Variants in LRIG1 observed in about 807,000 individuals in gnomAD.
LRIG1 encodes the protein leucine rich repeats and immunoglobulin like domains 1.
LRIG1 carries 48 observed loss-of-function variants against 99.2 expected under a neutral mutation model. That is an observed-to-expected ratio of 0.48 (90% CI 0.38 to 0.62). The LOEUF is 0.62. LRIG1 is among the 20% of genes least tolerant of loss of function. The pLI is 0.00. For synonymous variants in LRIG1, 772 were observed against 596.1 expected, an observed-to-expected ratio of 1.29 and a Z score of -4.30; for missense variants, 1,646 against 1,434.4, an observed-to-expected ratio of 1.15 and a Z score of -2.38.
At chr3:66,399,449 A>G (rs530886213) in intron 9 of LRIG1, among the ~76,000 whole-genome samples, 2 of 152,260 alleles carry the variant, frequency 1.3e-5, no homozygotes, top group South Asian at 4.2e-4. Flanking sequence ...AGCTGAGTCA[A>G]AAAAGGAAAG....
intron 12 of LRIG1, chr3:66,387,451 T>C (rs1327657645): frequency 6.6e-6 from 1 of 152,064 alleles, no homozygotes; most frequent in Non-Finnish European, 1.5e-5. Context: ...TGGTGACTTC[T>C]CTGTCCAACC....
At chr3:66,427,389 C>T (rs1703019005) in intron 3 of LRIG1, among the ~76,000 whole-genome samples, 1 of 152,238 alleles carries the variant, frequency 6.6e-6, no homozygotes, top group African/African-American at 2.4e-5. Context: ...GAAGATGAAA[C>T]TTAGTACAGG....
chr3:66,410,035 A>C, intron 7 of LRIG1, 94 bp downstream of exon 7: 1 of 1,351,956 alleles, frequency 7.4e-7, no homozygotes, highest in Non-Finnish European at 1.0e-6. Flanking sequence ...GCCCTCCCCG[A>C]GGCCACTGTG....
intron 3 of LRIG1, among the ~76,000 whole-genome samples, chr3:66,433,113 G>A (rs758048241): frequency 2.6e-5 from 4 of 152,192 alleles, no homozygotes; most frequent in Non-Finnish European, 4.4e-5. Flanking sequence ...CAGGCAGTAA[G>A]TATAAAGGCA....
Position 66,380,622 on chromosome 3 carries a change from G to GCATT in LRIG1, c.3006_3009dup (p.Leu1004AsnfsTer65). The GCATT allele has an allele frequency of 6.2e-7, 1 of 1,614,178 alleles. No individual in the cohort carries two copies. The highest frequency in any genetic ancestry group is 1.3e-5 in the African/African-American group (1 of 75,060). ...ATTGGCTTTTTCTTCACAGCCGTCA[G>GCATT]CATTCTATCGTGGTTACTGGGGTAG... On this transcript the variant is annotated frameshift_variant, in exon 18 of 19. Coordinates refer to ENST00000273261, the MANE Select transcript of LRIG1 (RefSeq NM_015541.3). LOFTEE classifies it low-confidence loss of function (END_TRUNC).
rs1324930803 is a variant in LRIG1 at position 66,464,736 on chromosome 3, C to T, written c.219-2227G>A. On this transcript the variant is annotated intron_variant, in intron 1 of 18. Transcript: ENST00000273261. The stretch of plus-strand genomic sequence containing the variant: ...GACTATCTGAAATGAGATAACTTCC[C>T]TCACTTCCCACCCAGCAAGTATCCA... Among the ~76,000 whole-genome samples, 6 of 152,160 alleles carry T rather than the reference C, an allele frequency of 3.9e-5. No individual in the cohort carries two copies. In the East Asian group the frequency reaches 7.7e-4, roughly 20 times the overall value.
intron 1 of LRIG1, among the ~76,000 whole-genome samples, chr3:66,493,582 A>T (rs1029999053): frequency 1.3e-5 from 2 of 151,734 alleles, no homozygotes; most frequent in African/African-American, 4.8e-5. Flanking sequence ...ATTCCAAAAG[A>T]CTCCTTCACA....
intron 15 of LRIG1, 127 bp downstream of exon 15, chr3:66,382,855 G>C (rs1442427381): frequency 5.0e-6 from 4 of 797,470 alleles, no homozygotes; most frequent in Non-Finnish European, 7.8e-6. Flanking sequence ...GGAATTAGTG[G>C]GACTAAACCC....
chr3:66,443,889 T>C (rs908250189), intron 3 of LRIG1, among the ~76,000 whole-genome samples: 9 of 151,902 alleles, frequency 5.9e-5, no homozygotes, highest in South Asian at 4.2e-4. Flanking sequence ...GCTGGGAAAA[T>C]GGGAGGAGAG....
chr3:66,460,121 C>A (rs532839229), intron 2 of LRIG1, among the ~76,000 whole-genome samples: 1 of 152,248 alleles, frequency 6.6e-6, no homozygotes, highest in African/African-American at 2.4e-5. Flanking sequence ...CCAGCCCTAT[C>A]TGTGTCCTGT....
At chr3:66,386,744 C>T (rs531502492) in intron 12 of LRIG1, 1 of 154,430 alleles carries the variant, frequency 6.5e-6, no homozygotes, top group East Asian at 1.9e-4. Context: ...ATCTGCACCT[C>T]CATTAAAACA....
intron 9 of LRIG1, among the ~76,000 whole-genome samples, chr3:66,403,112 G>A (rs765973561): frequency 2.6e-5 from 4 of 152,040 alleles, no homozygotes; most frequent in Non-Finnish European, 5.9e-5. Context: ...CCAAGTGCCC[G>A]TGACACAGTG....
chr3:66,387,846 C>G (rs1490772497), intron 12 of LRIG1: 1 of 151,438 alleles, frequency 6.6e-6, no homozygotes, highest in East Asian at 1.9e-4. Context: ...GCCTATAATC[C>G]CAGCACTTTG....
chr3:66,396,951 T>C (rs947004652), intron 11 of LRIG1, among the ~76,000 whole-genome samples: 5 of 152,114 alleles, frequency 3.3e-5, no homozygotes, highest in African/African-American at 9.7e-5. Context: ...AGGAGAGCCA[T>C]GGAATCCTTT....
intron 3 of LRIG1, among the ~76,000 whole-genome samples, chr3:66,432,701 G>T (rs1703214524): frequency 6.6e-6 from 1 of 152,134 alleles, no homozygotes; most frequent in Non-Finnish European, 1.5e-5. Context: ...TCCTAGTCAG[G>T]ATGTGGAACT....
At position 66,412,865 on chromosome 3, in the gene LRIG1, A is replaced by G; in HGVS notation, c.791+6T>C. 1.2e-6 allele frequency: 2 copies of G among 1,613,996 alleles called. No individual in the cohort carries two copies. The highest frequency in any genetic ancestry group is 2.2e-5 in the South Asian group (2 of 91,044). On this transcript the variant is annotated splice_donor_region_variant and intron_variant, in intron 6 of 18. Transcript: ENST00000273261. Reference sequence around the variant, plus strand: ...TAGCAATGCCAGTAACCTGGTCCGCACTTACAGCACATGCATCTTGGACAG... The same window carrying G: ...TAGCAATGCCAGTAACCTGGTCCGCGCTTACAGCACATGCATCTTGGACAG...
intron 3 of LRIG1, among the ~76,000 whole-genome samples, chr3:66,450,202 G>A (rs1331601282): frequency 1.3e-5 from 2 of 152,052 alleles, no homozygotes; most frequent in African/African-American, 4.8e-5. Context: ...CTTCCTTCCA[G>A]CACTTCACAG....
intron 1 of LRIG1, among the ~76,000 whole-genome samples, chr3:66,491,354 C>T (rs1269266320): frequency 1.3e-5 from 2 of 152,162 alleles, no homozygotes; most frequent in Non-Finnish European, 2.9e-5. Context: ...CAATTAATAG[C>T]TTGGTAGAAA....
At chr3:66,406,769 A>G (rs146206396) in intron 8 of LRIG1, among the ~76,000 whole-genome samples, 1 of 152,316 alleles carries the variant, frequency 6.6e-6, no homozygotes, top group East Asian at 1.9e-4. Context: ...GGGAAATGGC[A>G]TTAGCACCTC....
Sources: gnomAD v4.1 joint callset for allele counts (sites outside exome capture counted in the v4.1 genomes callset) on GRCh38, gnomAD v4.1.1 for gene constraint, MANE v1.5 for transcripts, NCBI Gene and HGNC (gene_info 2026-07-23, HGNC 2026-07-21) for gene names.